NTRK2: variants seen among roughly 807,000 people sequenced by gnomAD.
The protein encoded by NTRK2 is BDNF/NT-3 growth factors receptor.
Under a neutral mutation model 94.5 loss-of-function variants are expected in NTRK2, and 13 were observed. The observed-to-expected ratio is 0.14, with a 90% CI of 0.09 to 0.22. The LOEUF (loss-of-function observed/expected upper bound fraction) is 0.22, where lower values mean the gene tolerates loss of function less well. Among genes scored for constraint, NTRK2 ranks in the 10% least tolerant of loss-of-function variants. The pLI is 1.00. For missense variants in NTRK2, 639 were observed against 1,071.2 expected (o/e 0.60, Z 5.63); for synonymous variants, 372 against 407.4 (o/e 0.91, Z 1.05).
chr9:84,923,813 G>T (rs2077646666), intron 14 of NTRK2, among the ~76,000 whole-genome samples: 1 of 152,018 alleles, frequency 6.6e-6, no homozygotes, highest in South Asian at 2.1e-4. Context: ...AATTACTCGG[G>T]AGGTTGAGCC....
intron 14 of NTRK2, among the ~76,000 whole-genome samples, chr9:84,932,632 T>C (rs951580582): frequency 1.3e-5 from 2 of 152,168 alleles, no homozygotes; most frequent in Admixed American, 6.5e-5. Flanking sequence ...CTACTTTGAG[T>C]TGCACGAGGC....
intron 12 of NTRK2, among the ~76,000 whole-genome samples, chr9:84,844,649 T>TCACACACACACACA (rs10562034): frequency 1.4e-5 from 2 of 140,828 alleles, no homozygotes; most frequent in African/African-American, 5.3e-5. Flanking sequence ...AATACCTCAC[T>TCACACACACACACA]CACACACACA....
chr9:84,923,561 T>C (rs530472344), intron 14 of NTRK2, among the ~76,000 whole-genome samples: 28 of 152,262 alleles, frequency 1.8e-4, no homozygotes, highest in African/African-American at 6.5e-4. Context: ...TCTTCCACCA[T>C]GGGAACATTC....
chr9:84,799,791 A>G (rs2070169411), intron 12 of NTRK2, among the ~76,000 whole-genome samples: 1 of 152,150 alleles, frequency 6.6e-6, no homozygotes, highest in Non-Finnish European at 1.5e-5. Flanking sequence ...GGGAGAGGTG[A>G]GATGAAATTA....
chr9:84,877,148 A>G (rs1016141905), intron 14 of NTRK2: 6 of 1,064,812 alleles, frequency 5.6e-6, no homozygotes, highest in African/African-American at 3.3e-5. Context: ...CACTTCCTAC[A>G]TATTACATCC....
intron 12 of NTRK2, among the ~76,000 whole-genome samples, chr9:84,786,067 A>G (rs546420110): frequency 3.9e-5 from 6 of 152,288 alleles, no homozygotes; most frequent in South Asian, 2.1e-4. Flanking sequence ...GTATAAAACC[A>G]AGGAAACCAG....
chr9:84,835,798 G>A (rs968281866), intron 12 of NTRK2, among the ~76,000 whole-genome samples: 1 of 152,232 alleles, frequency 6.6e-6, no homozygotes, highest in East Asian at 1.9e-4. Context: ...TGAGAGCAAC[G>A]TAAGGCATTT....
At chr9:84,685,093 T>C (rs2059628074) in intron 2 of NTRK2, among the ~76,000 whole-genome samples, 2 of 152,106 alleles carry the variant, frequency 1.3e-5, no homozygotes, top group Non-Finnish European at 2.9e-5. Flanking sequence ...CTATTATATG[T>C]TTTTACTTTT....
intron 17 of NTRK2, among the ~76,000 whole-genome samples, chr9:84,992,848 G>A (rs1169088507): frequency 6.6e-6 from 1 of 151,806 alleles, no homozygotes; most frequent in Admixed American, 6.6e-5. Flanking sequence ...GGGGACCTCT[G>A]TGGACTCTCC....
At chr9:84,811,444 A>C (rs2071776853) in intron 12 of NTRK2, 1 of 1,065,942 alleles carries the variant, frequency 9.4e-7, no homozygotes, top group African/African-American at 1.6e-5. Flanking sequence ...GTGAAATTAT[A>C]ACCTTGCCCT....
Position 85,026,156 on chromosome 9 carries a change from C to A in NTRK2, c.*4719C>A, listed in dbSNP as rs940638698. On this transcript the variant is annotated 3_prime_UTR_variant, in exon 19 of 19. Transcript: ENST00000277120. ...AAAAAAAAAATATATATATATATAT[C>A]TGTATATGTGTTGTAGGCAAAACAC... 1.5e-4 allele frequency: 33 copies of A among 219,762 alleles called. No homozygotes were observed. Among genetic ancestry groups the A allele is most frequent in the African/African-American group, 6.3e-4 (28 of 44,260 alleles). 13.6% of individuals were successfully genotyped at this position (219,762 alleles called of 1,614,324 possible). A position where few individuals can be genotyped will look rare whatever the true frequency, so the allele number is the denominator to read the frequency against.
chr9:84,897,653 A>G (rs1297893415), intron 14 of NTRK2, among the ~76,000 whole-genome samples: 1 of 152,202 alleles, frequency 6.6e-6, no homozygotes, highest in Non-Finnish European at 1.5e-5. Context: ...TGCCTGAGCC[A>G]GGTGTGATTA....
rs534413724 is a variant in NTRK2 at position 84,700,417 on chromosome 9, C to T, written c.213-1742C>T. Reference sequence around the variant, plus strand: ...TGTGTGGTGGGAGGAGAGAAGGGAACGAAAGCTTCCTGCACATTTATTAAG... The same window carrying T: ...TGTGTGGTGGGAGGAGAGAAGGGAATGAAAGCTTCCTGCACATTTATTAAG... On this transcript the variant is annotated intron_variant, in intron 2 of 18. Coordinates refer to ENST00000277120, the MANE Select transcript of NTRK2 (RefSeq NM_006180.6). Among the ~76,000 whole-genome samples the T allele has an allele frequency of 8.5e-5, 13 of 152,214 alleles. 1 individual carries two copies. The East Asian group carries it at 9.6e-4, about 11-fold the overall frequency.
At chr9:84,908,870 C>T (rs1405811526) in intron 14 of NTRK2, among the ~76,000 whole-genome samples, 3 of 152,154 alleles carry the variant, frequency 2.0e-5, no homozygotes, top group Non-Finnish European at 4.4e-5. Flanking sequence ...TAAACTTCTG[C>T]TTTGAAGGAA....
intron 9 of NTRK2, among the ~76,000 whole-genome samples, chr9:84,730,925 C>T (rs1310824711): frequency 6.6e-6 from 1 of 151,596 alleles, no homozygotes; most frequent in African/African-American, 2.4e-5. Flanking sequence ...TTAGCTCTCA[C>T]AAATATTTTT....
chr9:84,831,073 A>T (rs544709831), intron 12 of NTRK2, among the ~76,000 whole-genome samples: 2 of 152,354 alleles, frequency 1.3e-5, no homozygotes, highest in East Asian at 3.9e-4. Context: ...TGAATAAACC[A>T]TAATGTGTTT....
rs577506861 is a variant in NTRK2, at chr9:85,020,320, T to C, written c.2287T>C (p.Phe763Leu). ...WSLGVVLWEI[F>L]TYGKQPWYQL... ...CCTGGGGGTCGTGTTGTGGGAGATT[T>C]TCACCTATGGCAAACAGCCCTGGTA... The change falls in exon 18 of 19, where the codon TTC becomes CTC. Residue 763 changes from phenylalanine to leucine, a missense_variant. Phe to Leu is a conservative substitution (Grantham distance 22, BLOSUM62 0). Around this residue, in one of 5 missense-constraint regions of NTRK2, gnomAD observed 77 missense variants for 203.6 expected, o/e 0.38. Coordinates refer to ENST00000277120, the MANE Select transcript of NTRK2 (RefSeq NM_006180.6). 6.2e-7 allele frequency: 1 copy of C among 1,614,124 alleles called. No homozygotes were observed.
At chr9:84,772,819 G>A (rs1006391866) in intron 12 of NTRK2, among the ~76,000 whole-genome samples, 4 of 152,162 alleles carry the variant, frequency 2.6e-5, no homozygotes, top group African/African-American at 4.8e-5. Flanking sequence ...ATGAAGGCTC[G>A]TGTTGGGGTG....
At chr9:84,926,280 T>G (rs554321787) in intron 14 of NTRK2, among the ~76,000 whole-genome samples, 1 of 151,548 alleles carries the variant, frequency 6.6e-6, no homozygotes, top group East Asian at 1.9e-4. Flanking sequence ...TTGCCCAGGA[T>G]GGAGTGCAAT....
Sources: gnomAD v4.1 joint callset for allele counts (sites outside exome capture counted in the v4.1 genomes callset) on GRCh38, gnomAD v4.1.1 for gene constraint, gnomAD v4.1.1 regional missense constraint, MANE v1.5 for transcripts, NCBI Gene and HGNC (gene_info 2026-07-23, HGNC 2026-07-21) for gene names.